The following MTMR10 variants were observed in gnomAD, a reference collection of about 807,000 sequenced individuals.
MTMR10 encodes the protein myotubularin-related protein 10.
A neutral mutation model predicts 88.1 loss-of-function variants in MTMR10; 56 were observed. That is an observed-to-expected ratio of 0.64 (90% CI 0.51 to 0.79). The LOEUF is 0.79. MTMR10 is among the 30% of genes least tolerant of loss of function. The probability of loss-of-function intolerance (pLI) is 0.00; values close to 1 mark genes in which losing one functional copy is unlikely to be tolerated. For missense variants in MTMR10, 883 were observed against 924.7 expected, an observed-to-expected ratio of 0.95 and a Z score of 0.58; for synonymous variants, 380 against 340.9, an observed-to-expected ratio of 1.11 and a Z score of -1.26.
chr15:30,956,637 GAC>G (rs1484183562), intron 9 of MTMR10, among the ~76,000 whole-genome samples: 1 of 152,200 alleles, frequency 6.6e-6, no homozygotes, highest in African/African-American at 2.4e-5. Context: ...GGGGCTAGAT[GAC>G]ACACCTGAGG....
intron 6 of MTMR10, among the ~76,000 whole-genome samples, chr15:30,963,592 G>A (rs533145665): frequency 4.3e-4 from 65 of 152,210 alleles, no homozygotes; most frequent in African/African-American, 1.4e-3. Flanking sequence ...AGCCGAGATC[G>A]TACCAGTGCA....
chr15:30,981,734 TGTA>T (rs2030589166), intron 2 of MTMR10, among the ~76,000 whole-genome samples: 1 of 152,210 alleles, frequency 6.6e-6, no homozygotes, highest in Admixed American at 6.5e-5. Context: ...TTTTTCCTTT[TGTA>T]GTAGTATATT....
At chr15:30,920,715 G>A in the MTMR10 span, 4 of 935,932 alleles carry the variant, frequency 4.3e-6, no homozygotes, top group Admixed American at 4.4e-5. Context: ...CATGTGAAGG[G>A]ACAGCTGTCG....
At chr15:30,965,798 A>G (rs1244014656) in intron 6 of MTMR10, 1 of 303,012 alleles carries the variant, frequency 3.3e-6, no homozygotes, top group African/African-American at 2.2e-5. Context: ...GCCAGCTAAA[A>G]TATCATTTTC....
At chr15:30,936,768 A>G (rs532309745), downstream of MTMR10, among the ~76,000 whole-genome samples, 2 of 152,222 alleles carry the variant, frequency 1.3e-5, no homozygotes, top group Non-Finnish European at 2.9e-5. Flanking sequence ...TGGGCAGATC[A>G]TGTAGTTCAC....
intron 15 of MTMR10, 192 bp downstream of exon 15, chr15:30,942,698 A>C (rs867699549): frequency 4.4e-5 from 25 of 571,912 alleles, no homozygotes; most frequent in Middle Eastern, 9.2e-4. Flanking sequence ...AGGTACTGAG[A>C]CTTTGTGGGC....
Position 30,947,146 on chromosome 15 carries a change from C to A in MTMR10, c.1532G>T (p.Arg511Leu), listed in dbSNP as rs747096897. Residue 511 changes from arginine to leucine, a missense_variant, in exon 14 of 16, where the codon CGA becomes CTA. Physicochemically the swap from Arg to Leu is moderately radical, Grantham distance 102. Transcript: ENST00000435680. ...GTFLFNSPHQRVKQSTEFAIS... is the reference protein window; with the variant it reads ...GTFLFNSPHQLVKQSTEFAIS... ...GTTGCTTACCGTGCTTTGCTTCACT[C>A]GCTGGTGAGGGGAGTTGAACAGGAA... 2 of 1,606,306 alleles carry A rather than the reference C, an allele frequency of 1.2e-6. No individual in the cohort carries two copies. Among genetic ancestry groups the A allele is most frequent in the Non-Finnish European group, 1.7e-6 (2 of 1,177,160 alleles).
intron 12 of MTMR10, 76 bp from the exon 13 acceptor site, chr15:30,948,547 G>C: frequency 3.5e-6 from 5 of 1,446,742 alleles, no homozygotes; most frequent in Non-Finnish European, 4.7e-6. Flanking sequence ...AGGTAAACTA[G>C]ATAATTTAGT....
At chr15:30,986,571 CTATT>C (rs2030952846) in intron 2 of MTMR10, among the ~76,000 whole-genome samples, 1 of 152,070 alleles carries the variant, frequency 6.6e-6, no homozygotes, top group Non-Finnish European at 1.5e-5. Flanking sequence ...AAAAAAGTAT[CTATT>C]CCAAGTAAGT....
the MTMR10 span, chr15:30,927,926 A>G: frequency 1.0e-6 from 1 of 985,718 alleles, no homozygotes; most frequent in Non-Finnish European, 1.2e-6. Context: ...CAGTCAGTAA[A>G]ACATTTGTGT....
At chr15:30,984,463 C>A (rs377355188) in intron 2 of MTMR10, among the ~76,000 whole-genome samples, 1 of 152,190 alleles carries the variant, frequency 6.6e-6, no homozygotes, top group African/African-American at 2.4e-5. Flanking sequence ...AGTCTACAAT[C>A]ATTTATGAAG....
rs2063028372 is a variant in MTMR10, at chr15:30,941,005, T to G, written c.*465A>C. 3.4e-6 allele frequency: 4 copies of G among 1,160,166 alleles called. No homozygotes were observed. Among genetic ancestry groups the G allele is most frequent in the South Asian group, 3.5e-5 (2 of 57,222 alleles). The allele number at this position is 1,160,166 out of a possible 1,614,324, so 71.9% of individuals were successfully genotyped here. A position where few individuals can be genotyped will look rare whatever the true frequency, so the allele number is the denominator to read the frequency against. On this transcript the variant is annotated 3_prime_UTR_variant, in exon 16 of 16. Transcript: ENST00000435680. ...GAACACTGAACCTTCATCAGGTGAG[T>G]TCAATTAGAGACGACAGAAAGTAAC...
chr15:30,932,716 C>CTT, the MTMR10 span, among the ~76,000 whole-genome samples: 68,285 of 134,128 alleles, frequency 0.51, 18,300 homozygotes, highest in East Asian at 0.86. Context: ...TGTTTCTTTT[C>CTT]TTTTTTTTTT....
intron 7 of MTMR10, among the ~76,000 whole-genome samples, chr15:30,959,959 G>C (rs1013849084): frequency 6.6e-6 from 1 of 152,118 alleles, no homozygotes; most frequent in African/African-American, 2.4e-5. Flanking sequence ...AGATCCCCTA[G>C]GGAACCAGCT....
intron 2 of MTMR10, among the ~76,000 whole-genome samples, chr15:30,977,260 T>C (rs1323483754): frequency 6.6e-6 from 1 of 152,070 alleles, no homozygotes; most frequent in Non-Finnish European, 1.5e-5. Context: ...GCTGGAAGAC[T>C]TTCTGGAGAA....
chr15:30,938,197 T>A (rs879236422), downstream of MTMR10, among the ~76,000 whole-genome samples: 1 of 151,368 alleles, frequency 6.6e-6, no homozygotes, highest in South Asian at 2.1e-4. Flanking sequence ...AAAAAAAAAA[T>A]TTAAAAACTA....
intron 5 of MTMR10, 95 bp from the exon 6 acceptor site, chr15:30,968,105 G>T: frequency 1.2e-6 from 1 of 868,228 alleles, no homozygotes; most frequent in Non-Finnish European, 1.8e-6. Context: ...TCATCTTGGG[G>T]CAGTGATTAT....
the MTMR10 span, among the ~76,000 whole-genome samples, chr15:30,926,123 GT>G: frequency 2.0e-5 from 3 of 152,198 alleles, no homozygotes; most frequent in Non-Finnish European, 4.4e-5. Context: ...GTCAGGGGTA[GT>G]TGTCCCACAG....
Position 30,939,319 on chromosome 15 carries a change from T to C in MTMR10, c.*2151A>G. ...GCATCAGCATCTGTGCGGCATTCCCTCAGCACGGGCTCTGCTGGCGGGCAG... is the reference window on the plus strand; with the variant it reads ...GCATCAGCATCTGTGCGGCATTCCCCCAGCACGGGCTCTGCTGGCGGGCAG... On this transcript the variant is annotated 3_prime_UTR_variant, in exon 16 of 16. Transcript: ENST00000435680. 1.0e-6 allele frequency: 1 copy of C among 985,490 alleles called. No individual in the cohort carries two copies. Among genetic ancestry groups the C allele is most frequent in the Non-Finnish European group, 1.2e-6 (1 of 829,954 alleles). The allele number at this position is 985,490 out of a possible 1,614,324, so 61.0% of individuals were successfully genotyped here. A position where few individuals can be genotyped will look rare whatever the true frequency, so the allele number is the denominator to read the frequency against.
Sources: allele counts gnomAD v4.1 joint callset (sites outside exome capture counted in the v4.1 genomes callset), GRCh38; gene constraint gnomAD v4.1.1; transcripts MANE v1.5; gene names NCBI Gene and HGNC (gene_info 2026-07-23, HGNC 2026-07-21).